CKAP5: variants seen among roughly 807,000 people sequenced by gnomAD.
CKAP5 encodes cytoskeleton associated protein 5.
In CKAP5, 27 loss-of-function variants were observed where a neutral mutation model predicts 232.8. That is an observed-to-expected ratio of 0.12 (90% CI 0.09 to 0.16). The LOEUF is 0.16. Ranked by LOEUF, CKAP5 falls within the 10% of genes least tolerant of loss-of-function variation. The pLI, the probability that CKAP5 is intolerant of heterozygous loss-of-function variation, is 1.00. For missense variants in CKAP5, 1,838 were observed against 2,424.7 expected (o/e 0.76, Z 5.08); for synonymous variants, 785 against 841.1 (o/e 0.93, Z 1.16).
chr11:46,793,142 A>C (rs1938781425), intron 13 of CKAP5, among the ~76,000 whole-genome samples: 1 of 152,202 alleles, frequency 6.6e-6, no homozygotes, highest in Admixed American at 6.5e-5. Flanking sequence ...CAACAATAAA[A>C]ATATCAGAGC....
At chr11:46,757,753 A>G (rs1004571793) in intron 35 of CKAP5, among the ~76,000 whole-genome samples, 7 of 151,098 alleles carry the variant, frequency 4.6e-5, no homozygotes, top group East Asian at 2.0e-4. Flanking sequence ...ATGCCCAGCT[A>G]ATTTTTGTAT....
chr11:46,810,097 G>A (rs189457775), intron 5 of CKAP5, among the ~76,000 whole-genome samples: 4 of 151,556 alleles, frequency 2.6e-5, no homozygotes, highest in African/African-American at 4.8e-5. Flanking sequence ...TCAGCCTCTC[G>A]AGTGGCTAGG....
chr11:46,755,956 A>G (rs2134580146), intron 35 of CKAP5, among the ~76,000 whole-genome samples: 1 of 152,318 alleles, frequency 6.6e-6, no homozygotes, highest in Admixed American at 6.5e-5. Flanking sequence ...ACTTATGTTT[A>G]AATGTTCAAT....
rs1348013751 is a variant in CKAP5 at position 46,758,717 on chromosome 11, A to C, written c.4689+206T>G. The stretch of plus-strand genomic sequence containing the variant: ...GTGAGACCTGGTCTCAAAAGAGGAA[A>C]AAAAAAAAAAAAAATAAGGCTCTAT... On this transcript the variant is annotated intron_variant, in intron 35 of 43. Coordinates refer to ENST00000529230, the MANE Select transcript of CKAP5 (RefSeq NM_001008938.4). The C allele has an allele frequency of 3.1e-5, 10 of 322,594 alleles. No homozygotes were observed. In the Admixed American group the frequency reaches 4.9e-4, roughly 16 times the overall value. 20.0% of individuals were successfully genotyped at this position (322,594 alleles called of 1,614,324 possible).
At chr11:46,840,971 AG>A (rs1251164006) in intron 1 of CKAP5, among the ~76,000 whole-genome samples, 1 of 152,182 alleles carries the variant, frequency 6.6e-6, no homozygotes, top group African/African-American at 2.4e-5. Flanking sequence ...ACCTCCAGAT[AG>A]AAAGTGTCAG....
intron 24 of CKAP5, among the ~76,000 whole-genome samples, chr11:46,771,549 A>T (rs1046893559): frequency 5.3e-5 from 8 of 152,138 alleles, no homozygotes; most frequent in African/African-American, 1.9e-4. Context: ...GAATTATTGT[A>T]TTTACCAGCA....
intron 13 of CKAP5, among the ~76,000 whole-genome samples, chr11:46,792,938 A>C (rs948920838): frequency 7.2e-5 from 11 of 152,180 alleles, no homozygotes; most frequent in African/African-American, 2.2e-4. Flanking sequence ...AATGTGAAAG[A>C]AAGTAGAGTC....
At chr11:46,780,645 G>T (rs2065334433) in intron 18 of CKAP5, among the ~76,000 whole-genome samples, 160 bp from the exon 19 acceptor site, 1 of 152,114 alleles carries the variant, frequency 6.6e-6, no homozygotes, top group Non-Finnish European at 1.5e-5. Flanking sequence ...TTGAGACAGA[G>T]TCTTGCTCTG....
At chr11:46,785,196 G>A (rs1378444459) in intron 16 of CKAP5, among the ~76,000 whole-genome samples, 1 of 152,138 alleles carries the variant, frequency 6.6e-6, no homozygotes, top group Admixed American at 6.5e-5. Context: ...TATTGTGATG[G>A]CAGACCTATG....
chr11:46,755,924 G>A (rs924268091), intron 35 of CKAP5, among the ~76,000 whole-genome samples: 19 of 152,090 alleles, frequency 1.2e-4, no homozygotes, highest in African/African-American at 3.4e-4. Flanking sequence ...GCGAGACTCC[G>A]TCTCAGAAAC....
chr11:46,783,124 T>C (rs934248981), intron 18 of CKAP5, 150 bp downstream of exon 18: 3 of 489,598 alleles, frequency 6.1e-6, no homozygotes, highest in East Asian at 3.4e-5. Context: ...TATAGACCTT[T>C]GAGAACAAAG....
chr11:46,816,864 T>C (rs958434972), intron 3 of CKAP5, among the ~76,000 whole-genome samples: 36 of 149,252 alleles, frequency 2.4e-4, no homozygotes, highest in Non-Finnish European at 4.6e-4. Context: ...CCCAGCACTT[T>C]GGGAGGCTGA....
chr11:46,743,897 C>A lies in CKAP5; in HGVS notation c.*126G>T. 1.7e-6 allele frequency: 2 copies of A among 1,204,812 alleles called. No homozygotes were observed. Among genetic ancestry groups the A allele is most frequent in the Admixed American group, 2.0e-5 (1 of 50,086 alleles). The allele number at this position is 1,204,812 out of a possible 1,614,324, so 74.6% of individuals were successfully genotyped here. On this transcript the variant is annotated 3_prime_UTR_variant, in exon 44 of 44. Transcript: ENST00000529230. ...TACTTGTGCCACAATGACTCCTCCC[C>A]CTAGCTCCACGGCATGATACATACA...
At chr11:46,822,779 G>T (rs184354820) in intron 1 of CKAP5, among the ~76,000 whole-genome samples, 2 of 142,980 alleles carry the variant, frequency 1.4e-5, no homozygotes, top group African/African-American at 2.6e-5. Flanking sequence ...GAAAAGGAAA[G>T]AATCAATATG....
chr11:46,797,393 A>AAC (rs1565740807), intron 11 of CKAP5, among the ~76,000 whole-genome samples: 1 of 141,316 alleles, frequency 7.1e-6, no homozygotes, highest in Admixed American at 7.4e-5. Context: ...ACAACAACAA[A>AAC]AAAAAAAAAA....
Position 46,754,944 on chromosome 11 carries a change from A to G in CKAP5, c.4813T>C (p.Leu1605=). Residue 1605 remains leucine (L), a synonymous_variant, in exon 36 of 44, where the codon TTG becomes CTG. Transcript: ENST00000529230. ...IYNTHMADEK[L]EKDEIIKLYS... ...AACTTGATGATCTCGTCCTTCTCCA[A>G]TTTCTCATCTGCCATGTGTGTGTTG... 6.2e-7 allele frequency: 1 copy of G among 1,613,854 alleles called. No individual in the cohort carries two copies. The highest frequency in any genetic ancestry group is 1.3e-5 in the African/African-American group (1 of 75,006).
At position 46,796,836 on chromosome 11, in the gene CKAP5, A is replaced by G. The variant is rs752187179; in HGVS notation, c.1443T>C (p.Asp481=). 1 of 1,614,050 alleles carries G rather than the reference A, an allele frequency of 6.2e-7. No individual in the cohort carries two copies. Residue 481 remains aspartate (D), a synonymous_variant, in exon 12 of 44, where the codon GAT becomes GAC. Transcript: ENST00000529230. ...CCTTATCAAGCTTGAGTTTGTCCACATCAGCTAGGAATGGGTTTACTGCTT... is the reference window on the plus strand; with the variant it reads ...CCTTATCAAGCTTGAGTTTGTCCACGTCAGCTAGGAATGGGTTTACTGCTT... ...GEKAVNPFLA[D]VDKLKLDKIK...
chr11:46,829,810 A>G (rs1332473499), intron 1 of CKAP5, among the ~76,000 whole-genome samples: 1 of 151,034 alleles, frequency 6.6e-6, no homozygotes, highest in South Asian at 2.1e-4. Context: ...TTTGCAAGAC[A>G]GTATATGAAG....
intron 1 of CKAP5, among the ~76,000 whole-genome samples, chr11:46,824,401 T>A (rs1244479857): frequency 6.6e-6 from 1 of 152,176 alleles, no homozygotes; most frequent in Non-Finnish European, 1.5e-5. Context: ...ACACATGCCC[T>A]ACCACCCAGC....
Sources: gnomAD v4.1 joint callset for allele counts (sites outside exome capture counted in the v4.1 genomes callset) on GRCh38, gnomAD v4.1.1 for gene constraint, MANE v1.5 for transcripts, NCBI Gene and HGNC (gene_info 2026-07-23, HGNC 2026-07-21) for gene names.